The following PALMD variants were observed in gnomAD, a reference collection of about 807,000 sequenced individuals.
The protein encoded by PALMD is paralemmin-like protein.
PALMD carries 42 observed loss-of-function variants against 56.2 expected under a neutral mutation model. That is an observed-to-expected ratio of 0.75 (90% CI 0.58 to 0.97). The LOEUF (loss-of-function observed/expected upper bound fraction) is 0.97, where lower values mean the gene tolerates loss of function less well. Ranked by LOEUF, PALMD falls within the 50% of genes least tolerant of loss-of-function variation. The probability of loss-of-function intolerance (pLI) is 0.00; values close to 1 mark genes in which losing one functional copy is unlikely to be tolerated. For synonymous variants in PALMD, 242 were observed against 222.9 expected (o/e 1.09, Z -0.76); for missense variants, 660 against 643.8 (o/e 1.03, Z -0.27).
chr1:99,650,430 A>G (rs1056839446), intron 1 of PALMD, among the ~76,000 whole-genome samples: 1 of 152,148 alleles, frequency 6.6e-6, no homozygotes, highest in African/African-American at 2.4e-5. Flanking sequence ...AGTTCTTTAC[A>G]TAAAACAGAA....
chr1:99,691,963 A>G (rs1158285543), intron 7 of PALMD, among the ~76,000 whole-genome samples: 1 of 152,208 alleles, frequency 6.6e-6, no homozygotes, highest in Admixed American at 6.6e-5. Flanking sequence ...GAGATTCAAA[A>G]GACAAGATTT....
chr1:99,690,985 T>G lies in PALMD; in HGVS notation c.1612+1113T>G, dbSNP rs561810873. On this transcript the variant is annotated intron_variant, in intron 7 of 7. Transcript: ENST00000263174. The stretch of plus-strand genomic sequence containing the variant: ...TACAGTAAAATGAACCTTCTCCCAT[T>G]ATTTTAAGTAGTTAAAGTAGGTATC... Among the ~76,000 whole-genome samples, 21 of 152,298 alleles carry G rather than the reference T, an allele frequency of 1.4e-4. No individual in the cohort carries two copies. The East Asian group carries it at 3.3e-3, about 24-fold the overall frequency.
intron 3 of PALMD, among the ~76,000 whole-genome samples, chr1:99,673,985 C>T (rs185731153): frequency 6.6e-6 from 1 of 152,192 alleles, no homozygotes; most frequent in Non-Finnish European, 1.5e-5. Flanking sequence ...AAAAGGAAAG[C>T]CTTGAAACTC....
rs1358075950 is a variant in PALMD at position 99,686,671 on chromosome 1, G to C, written c.252-5G>C. 6.7e-7 allele frequency: 1 copy of C among 1,487,340 alleles called. No individual in the cohort carries two copies. Among genetic ancestry groups the C allele is most frequent in the African/African-American group, 1.4e-5 (1 of 71,432 alleles). The allele number at this position is 1,487,340 out of a possible 1,614,324, so 92.1% of individuals were successfully genotyped here. A position where few individuals can be genotyped will look rare whatever the true frequency, so the allele number is the denominator to read the frequency against. ...GCAATAAAAAGTATACCTTTTTGTTGTCAGGCTTGAGAAAGAGATCCAAGA... is the reference window on the plus strand; with the variant it reads ...GCAATAAAAAGTATACCTTTTTGTTCTCAGGCTTGAGAAAGAGATCCAAGA... On this transcript the variant is annotated splice_region_variant and splice_polypyrimidine_tract_variant and intron_variant, in intron 3 of 7. Transcript: ENST00000263174.
intron 3 of PALMD, among the ~76,000 whole-genome samples, chr1:99,678,847 T>C (rs1047876852): frequency 2.6e-5 from 4 of 151,886 alleles, no homozygotes; most frequent in African/African-American, 9.7e-5. Flanking sequence ...TGGATCCAGC[T>C]GGACATGGTG....
At chr1:99,689,913 G>A in intron 7 of PALMD, 41 bp downstream of exon 7, 1 of 1,535,776 alleles carries the variant, frequency 6.5e-7, no homozygotes, top group Non-Finnish European at 8.7e-7. Flanking sequence ...GTTCAGTCAT[G>A]TGACCAGCTT....
chr1:99,670,566 T>C (rs1462664235), intron 3 of PALMD, among the ~76,000 whole-genome samples: 1 of 152,092 alleles, frequency 6.6e-6, no homozygotes, highest in East Asian at 1.9e-4. Context: ...ATGCAAATGC[T>C]CTAGAAATAG....
chr1:99,688,680 A>C lies in PALMD; in HGVS notation c.515-95A>C, dbSNP rs1239319822. On this transcript the variant is annotated intron_variant, in intron 6 of 7. Coordinates refer to ENST00000263174, the MANE Select transcript of PALMD (RefSeq NM_017734.5). Reference sequence around the variant, plus strand: ...CAACATCTCACATACAAGAACATGAAGGGTCTACTTAATATAAAAATAAAC... The same window carrying C: ...CAACATCTCACATACAAGAACATGACGGGTCTACTTAATATAAAAATAAAC... 8 of 766,280 alleles carry C rather than the reference A, an allele frequency of 1.0e-5. No individual in the cohort carries two copies. The Admixed American group carries it at 1.9e-4, about 18-fold the overall frequency. The allele number at this position is 766,280 out of a possible 1,614,324, so 47.5% of individuals were successfully genotyped here. A position where few individuals can be genotyped will look rare whatever the true frequency, so the allele number is the denominator to read the frequency against.
intron 1 of PALMD, among the ~76,000 whole-genome samples, chr1:99,650,057 A>AAGTTAAATACAT (rs1652530381): frequency 6.6e-6 from 1 of 152,082 alleles, no homozygotes; most frequent in South Asian, 2.1e-4. Flanking sequence ...TGGGGATGGG[A>AAGTTAAATACAT]GTGCATTGTA....
intron 3 of PALMD, among the ~76,000 whole-genome samples, chr1:99,672,827 C>T (rs769634262): frequency 2.6e-5 from 4 of 152,170 alleles, no homozygotes; most frequent in Non-Finnish European, 5.9e-5. Flanking sequence ...GAAGGATAAG[C>T]TACTTATGAT....
rs747140755 is a variant in PALMD at position 99,689,341 on chromosome 1, G to T, written c.1081G>T (p.Asp361Tyr). The T allele has an allele frequency of 6.2e-7, 1 of 1,613,658 alleles. No homozygotes were observed. Among genetic ancestry groups the T allele is most frequent in the Non-Finnish European group, 8.5e-7 (1 of 1,179,842 alleles). Reference sequence around the variant, plus strand: ...AGAATCGAATGTCATGCAGGACAAAGATGCACCCTCTCCAAAGCCAAGGCT... The same window carrying T: ...AGAATCGAATGTCATGCAGGACAAATATGCACCCTCTCCAAAGCCAAGGCT... ...WEESNVMQDK[D>Y]APSPKPRLSP... Residue 361 changes from aspartate to tyrosine, a missense_variant, in exon 7 of 8, where the codon GAT becomes TAT. Physicochemically the swap from Asp to Tyr is radical, Grantham distance 160 (BLOSUM62 -3). Coordinates refer to ENST00000263174, the MANE Select transcript of PALMD (RefSeq NM_017734.5).
In PALMD at chr1:99,689,337, C is replaced by A. The variant is rs778837444; in HGVS notation, c.1077C>A (p.Asp359Glu). The A allele has an allele frequency of 1.2e-6, 2 of 1,613,608 alleles. No homozygotes were observed. The highest frequency in any genetic ancestry group is 4.5e-5 in the East Asian group (2 of 44,820). Residue 359 changes from aspartate (D) to glutamate (E), a missense_variant, in exon 7 of 8, where the codon GAC (aspartate) becomes GAA (glutamate). Asp to Glu is a conservative substitution (Grantham distance 45). Coordinates refer to ENST00000263174, the MANE Select transcript of PALMD (RefSeq NM_017734.5). The stretch of plus-strand genomic sequence containing the variant: ...GGGAAGAATCGAATGTCATGCAGGA[C>A]AAAGATGCACCCTCTCCAAAGCCAA... Reference protein sequence around the residue: ...TPWEESNVMQDKDAPSPKPRL... With the variant: ...TPWEESNVMQEKDAPSPKPRL...
intron 3 of PALMD, among the ~76,000 whole-genome samples, chr1:99,670,011 A>G (rs910873711): frequency 2.0e-5 from 3 of 152,110 alleles, no homozygotes; most frequent in African/African-American, 4.8e-5. Flanking sequence ...TCATTTGACT[A>G]CTCCACAGTG....
intron 7 of PALMD, among the ~76,000 whole-genome samples, chr1:99,693,171 TG>T (rs1557676997): frequency 6.6e-6 from 1 of 152,152 alleles, no homozygotes; most frequent in Non-Finnish European, 1.5e-5. Flanking sequence ...GAGACAAAAT[TG>T]TGCAATCAGT....
chr1:99,666,702 C>A (rs1652969587), intron 2 of PALMD, among the ~76,000 whole-genome samples: 1 of 152,064 alleles, frequency 6.6e-6, no homozygotes, highest in Admixed American at 6.6e-5. Flanking sequence ...CCCTTTTATT[C>A]CAGGAGAAAA....
chr1:99,668,936 C>T (rs532964960), intron 3 of PALMD: 25 of 152,258 alleles, frequency 1.6e-4, no homozygotes, highest in Admixed American at 1.2e-3. Flanking sequence ...GTTATAATCA[C>T]GACAACAAAT....
intron 3 of PALMD, among the ~76,000 whole-genome samples, chr1:99,675,634 T>C (rs1653183540): frequency 1.3e-5 from 2 of 152,202 alleles, no homozygotes; most frequent in Admixed American, 6.5e-5. Context: ...GAGAAGCCCA[T>C]AACAAACCAA....
In PALMD at chr1:99,686,608, A is replaced by G. The variant is rs1216042281; in HGVS notation, c.252-68A>G. 19 of 740,392 alleles carry G rather than the reference A, an allele frequency of 2.6e-5. No homozygotes were observed. In the East Asian group the frequency reaches 4.8e-4, roughly 19 times the overall value. The allele number at this position is 740,392 out of a possible 1,614,324, so 45.9% of individuals were successfully genotyped here. A position where few individuals can be genotyped will look rare whatever the true frequency, so the allele number is the denominator to read the frequency against. ...TTCCAAGGAAACTTTATATATGGGG[A>G]AGACATATTTGAGAACTCCGCATTT... On this transcript the variant is annotated intron_variant, in intron 3 of 7. Transcript: ENST00000263174.
At chr1:99,682,749 T>C (rs1653370785) in intron 3 of PALMD, among the ~76,000 whole-genome samples, 1 of 151,940 alleles carries the variant, frequency 6.6e-6, no homozygotes, top group Admixed American at 6.6e-5. Flanking sequence ...CTCATGCCTG[T>C]AATCCCAGCA....
Sources: gnomAD v4.1 joint callset for allele counts (sites outside exome capture counted in the v4.1 genomes callset) on GRCh38, gnomAD v4.1.1 for gene constraint, MANE v1.5 for transcripts, NCBI Gene and HGNC (gene_info 2026-07-23, HGNC 2026-07-21) for gene names.